The following ASZ1 variants were observed in gnomAD, a reference collection of about 807,000 sequenced individuals.
The protein encoded by ASZ1 is ankyrin repeat, SAM and basic leucine zipper domain-containing protein 1.
A neutral mutation model predicts 61.8 loss-of-function variants in ASZ1; 67 were observed. That is an observed-to-expected ratio of 1.08 (90% CI 0.89 to 1.33). The LOEUF is 1.33. ASZ1 is among the 40% of genes most tolerant of loss of function. The pLI is 0.00. For missense variants in ASZ1, 577 were observed against 554.5 expected (o/e 1.04, Z -0.41); for synonymous variants, 193 against 192.7 (o/e 1.00, Z -0.01).
At chr7:117,375,249 G>A (rs1268260454) in intron 10 of ASZ1, among the ~76,000 whole-genome samples, 2 of 152,028 alleles carry the variant, frequency 1.3e-5, no homozygotes, top group East Asian at 3.9e-4. Flanking sequence ...TCTATGCTAC[G>A]GTTAAATTCT....
In ASZ1 at chr7:117,385,636, T is replaced by A. The variant is rs556724584; in HGVS notation, c.552+62A>T. ...TTGTAATTATTACTTCTTAAAATTC[T>A]TTTTTTGTAGATTACTGATAATAAC... On this transcript the variant is annotated intron_variant, in intron 5 of 12. Transcript: ENST00000284629. 4.4e-4 allele frequency: 589 copies of A among 1,349,020 alleles called. 7 individuals carry two copies. In the South Asian group the frequency reaches 7.1e-3, roughly 16 times the overall value. 83.6% of individuals were successfully genotyped at this position (1,349,020 alleles called of 1,614,324 possible).
intron 4 of ASZ1, among the ~76,000 whole-genome samples, chr7:117,410,556 T>C (rs1194374537): frequency 6.6e-6 from 1 of 151,654 alleles, no homozygotes; most frequent in Non-Finnish European, 1.5e-5. Context: ...TATTCAAGCA[T>C]AGCAGAGTTT....
chr7:117,390,070 C>CTTTTTTTTT (rs1796434205), intron 4 of ASZ1, among the ~76,000 whole-genome samples: 1 of 151,982 alleles, frequency 6.6e-6, no homozygotes, highest in African/African-American at 2.4e-5. Flanking sequence ...GACATGGTTT[C>CTTTTTTTTT]TTTTTTATGG....
chr7:117,414,836 T>C (rs1584741252), intron 4 of ASZ1, among the ~76,000 whole-genome samples: 1 of 152,198 alleles, frequency 6.6e-6, no homozygotes, highest in Non-Finnish European at 1.5e-5. Flanking sequence ...GGCTGCATAG[T>C]ATTCCATGGT....
intron 4 of ASZ1, among the ~76,000 whole-genome samples, chr7:117,413,330 G>A (rs1384013385): frequency 6.6e-6 from 1 of 151,916 alleles, no homozygotes; most frequent in Non-Finnish European, 1.5e-5. Context: ...TCTGTTCTGT[G>A]AAAAATAACA....
At position 117,382,161 on chromosome 7, in the gene ASZ1, C is replaced by T; in HGVS notation, c.813-17G>A. On this transcript the variant is annotated splice_polypyrimidine_tract_variant and intron_variant, in intron 7 of 12. Coordinates refer to ENST00000284629, the MANE Select transcript of ASZ1 (RefSeq NM_130768.3). ...GTATATGAACTGTATACATTTATAGCAATGTCAATTTCAGAACAGATTATA... is the reference window on the plus strand; with the variant it reads ...GTATATGAACTGTATACATTTATAGTAATGTCAATTTCAGAACAGATTATA... 6.9e-7 allele frequency: 1 copy of T among 1,457,694 alleles called. No homozygotes were observed. Among genetic ancestry groups the T allele is most frequent in the African/African-American group, 1.4e-5 (1 of 71,200 alleles). The allele number at this position is 1,457,694 out of a possible 1,614,324, so 90.3% of individuals were successfully genotyped here.
At chr7:117,375,038 G>A (rs1382021492) in intron 10 of ASZ1, among the ~76,000 whole-genome samples, 1 of 152,070 alleles carries the variant, frequency 6.6e-6, no homozygotes, top group Non-Finnish European at 1.5e-5. Context: ...AAGTTGGGGA[G>A]AGAAAACCAT....
intron 4 of ASZ1, among the ~76,000 whole-genome samples, chr7:117,415,962 A>C (rs933295405): frequency 2.0e-5 from 3 of 152,150 alleles, no homozygotes; most frequent in Non-Finnish European, 4.4e-5. Context: ...AGGCCAAGGC[A>C]GGTGGATCAC....
chr7:117,388,656 G>C (rs372834865), intron 4 of ASZ1, among the ~76,000 whole-genome samples: 8 of 152,162 alleles, frequency 5.3e-5, no homozygotes, highest in African/African-American at 1.9e-4. Context: ...CCTGACAAAA[G>C]CATCTATGGA....
intron 2 of ASZ1, among the ~76,000 whole-genome samples, chr7:117,423,715 A>G (rs1005436034): frequency 1.5e-5 from 2 of 136,784 alleles, no homozygotes; most frequent in Non-Finnish European, 3.2e-5. Flanking sequence ...AAAAAAAATT[A>G]GCCAGGCGTG....
At chr7:117,389,425 C>T (rs1796419928) in intron 4 of ASZ1, among the ~76,000 whole-genome samples, 1 of 152,150 alleles carries the variant, frequency 6.6e-6, no homozygotes, top group African/African-American at 2.4e-5. Context: ...TTGTTTTCAG[C>T]TTTGAAACAT....
chr7:117,412,768 TA>T (rs546224575), intron 4 of ASZ1, among the ~76,000 whole-genome samples: 3,354 of 148,700 alleles, frequency 0.023, 77 homozygotes, highest in Non-Finnish European at 0.021. Flanking sequence ...CTTCTAAATG[TA>T]AAAAAAAAAT....
chr7:117,408,451 C>A (rs1030794241), intron 4 of ASZ1, among the ~76,000 whole-genome samples: 1 of 152,230 alleles, frequency 6.6e-6, no homozygotes, highest in East Asian at 1.9e-4. Context: ...ATCACAGTAT[C>A]ACAGTAGACC....
chr7:117,427,026 G>GT (rs948587085), intron 1 of ASZ1, 91 bp from the exon 2 acceptor site: 75 of 1,303,950 alleles, frequency 5.8e-5, no homozygotes, highest in Middle Eastern at 2.7e-4. Context: ...AAGTACACAG[G>GT]TTTTTTTTCT....
chr7:117,426,530 AAAC>A (rs1353201356), intron 2 of ASZ1, among the ~76,000 whole-genome samples: 2 of 151,390 alleles, frequency 1.3e-5, no homozygotes, highest in African/African-American at 2.4e-5. Context: ...AAGAAAAAAG[AAAC>A]AACATTACAG....
At chr7:117,400,014 G>T (rs949074008) in intron 4 of ASZ1, among the ~76,000 whole-genome samples, 5 of 152,048 alleles carry the variant, frequency 3.3e-5, no homozygotes, top group Non-Finnish European at 7.4e-5. Context: ...CCACTAGAGG[G>T]CATTCAAAGA....
intron 4 of ASZ1, among the ~76,000 whole-genome samples, chr7:117,395,520 G>A (rs929976826): frequency 7.9e-5 from 12 of 152,022 alleles, no homozygotes; most frequent in Non-Finnish European, 1.5e-4. Context: ...CCAACATGAC[G>A]TGTATATTCA....
chr7:117,400,164 T>G (rs1052034451), intron 4 of ASZ1, among the ~76,000 whole-genome samples: 1 of 152,252 alleles, frequency 6.6e-6, no homozygotes, highest in Non-Finnish European at 1.5e-5. Flanking sequence ...CTAATCTTTT[T>G]AATCTGCTTA....
intron 4 of ASZ1, among the ~76,000 whole-genome samples, chr7:117,408,413 G>A (rs1796832700): frequency 6.6e-6 from 1 of 151,842 alleles, no homozygotes; most frequent in South Asian, 2.1e-4. Context: ...AGGAACCAGG[G>A]GACAAAGACC....
Sources: gnomAD v4.1 joint callset for allele counts (sites outside exome capture counted in the v4.1 genomes callset) on GRCh38, gnomAD v4.1.1 for gene constraint, MANE v1.5 for transcripts, NCBI Gene and HGNC (gene_info 2026-07-23, HGNC 2026-07-21) for gene names.